Variants in SRP14 observed in about 807,000 individuals in gnomAD.
SRP14 encodes the protein signal recognition particle 14.
A neutral mutation model predicts 16.0 loss-of-function variants in SRP14; 1 was observed. That is an observed-to-expected ratio of 0.06 (90% CI 0.02 to 0.30). The LOEUF is 0.30. Ranked by LOEUF, SRP14 falls within the 10% of genes least tolerant of loss-of-function variation. SRP14 has a pLI of 1.00. For missense variants in SRP14, 120 were observed against 163.1 expected (o/e 0.74, Z 1.44); for synonymous variants, 67 against 60.1 (o/e 1.12, Z -0.53).
At chr15:40,037,382 TATTA>T in intron 3 of SRP14, 2 of 1,251,852 alleles carry the variant, frequency 1.6e-6, no homozygotes, top group Non-Finnish European at 2.0e-6. Flanking sequence ...GACTTCTCAG[TATTA>T]ATTTTTTATA....
intron 2 of SRP14, 51 bp downstream of exon 2, chr15:40,038,825 C>A: frequency 6.3e-7 from 1 of 1,594,632 alleles, no homozygotes; most frequent in South Asian, 1.1e-5. Flanking sequence ...CGGTGGCTCC[C>A]AGACACCGGG....
chr15:40,036,435 A>G lies in SRP14; in HGVS notation c.309T>C (p.Thr103=), dbSNP rs373217608. ...CTGCTGCTGCTGCTTTGGTCTTCTT[A>G]GTTTTGTTCTTTTTGTCTCTCTTCT... ...GLKKRDKKNK[T]KKTKAAAAAA... The change falls in exon 5 of 5, where the codon ACT becomes ACC. Residue 103 remains threonine, a synonymous_variant. Coordinates refer to ENST00000267884, the MANE Select transcript of SRP14 (RefSeq NM_003134.6). 2.5e-6 allele frequency: 4 copies of G among 1,613,848 alleles called. No individual in the cohort carries two copies. The African/African-American group carries it at 4.0e-5, about 16-fold the overall frequency.
At chr15:40,037,413 A>G (rs2035644982) in intron 3 of SRP14, 1 of 1,093,688 alleles carries the variant, frequency 9.1e-7, no homozygotes, top group South Asian at 1.6e-5. Flanking sequence ...TAGAAGATAT[A>G]TTTAAACTAC....
intron 3 of SRP14, chr15:40,037,353 G>A (rs771122103): frequency 4.4e-5 from 57 of 1,297,428 alleles, no homozygotes; most frequent in Non-Finnish European, 4.9e-5. Context: ...TTCTCCCTGG[G>A]TTCTGAGAAA....
chr15:40,037,296 CTTTG>C (rs1026859515), intron 3 of SRP14: 2 of 549,050 alleles, frequency 3.6e-6, no homozygotes, highest in African/African-American at 9.6e-5. Flanking sequence ...AAAAAAAAAG[CTTTG>C]TTTCTCACCT....
At chr15:40,037,040 G>T (rs756649885) in intron 3 of SRP14, 22 bp from the exon 4 acceptor site, 1 of 1,612,728 alleles carries the variant, frequency 6.2e-7, no homozygotes, top group Non-Finnish European at 8.5e-7. Context: ...GGAAAAAAGA[G>T]GTCATACCTA....
chr15:40,036,289 A>C lies in SRP14; in HGVS notation c.*44T>G. On this transcript the variant is annotated 3_prime_UTR_variant, in exon 5 of 5. Transcript: ENST00000267884. ...AGCTATCTGGCCAAAAGGAAAAAATAGCAATTCAGTGGTTAATTGGTGAAA... is the reference window on the plus strand; with the variant it reads ...AGCTATCTGGCCAAAAGGAAAAAATCGCAATTCAGTGGTTAATTGGTGAAA... 6.2e-7 allele frequency: 1 copy of C among 1,605,214 alleles called. No homozygotes were observed. Among genetic ancestry groups the C allele is most frequent in the Non-Finnish European group, 8.5e-7 (1 of 1,172,716 alleles).
rs1289029516 is a variant in SRP14 at position 40,036,398 on chromosome 15, C to G, written c.346G>C (p.Ala116Pro). Residue 116 changes from alanine to proline, a missense_variant, in exon 5 of 5, where the codon GCA becomes CCA. Transcript: ENST00000267884. ...GGTGCTGTTGCTGCTGCGGCAGGTG[C>G]TGCTGCTGCTGCTGCTGCTGCTGCT... Reference protein sequence around the residue: ...TKAAAAAAAAAPAAAATAPTT... With the variant: ...TKAAAAAAAAPPAAAATAPTT... 1 of 1,135,236 alleles carries G rather than the reference C, an allele frequency of 8.8e-7. No homozygotes were observed. Among genetic ancestry groups the G allele is most frequent in the African/African-American group, 1.6e-5 (1 of 63,114 alleles). The allele number at this position is 1,135,236 out of a possible 1,614,324, so 70.3% of individuals were successfully genotyped here. A position where few individuals can be genotyped will look rare whatever the true frequency, so the allele number is the denominator to read the frequency against.
At chr15:40,036,724 A>G in intron 4 of SRP14, 1 of 648,484 alleles carries the variant, frequency 1.5e-6, no homozygotes, top group South Asian at 2.0e-5. Flanking sequence ...TTTTTTTCCA[A>G]GGGAAAATTG....
chr15:40,038,773 G>A, intron 2 of SRP14, 103 bp downstream of exon 2: 1 of 1,260,232 alleles, frequency 7.9e-7, no homozygotes, highest in Non-Finnish European at 1.1e-6. Context: ...GTACAGGGTG[G>A]GGAAAGGTAG....
Position 40,036,044 on chromosome 15 carries a change from TAAAC to T in SRP14, c.*285_*288del. ...GAAAGGAATAAAGAGACAGTGCTGA[TAAAC>T]AGACATGTTTAATGATAGCTTGCTC... On this transcript the variant is annotated 3_prime_UTR_variant, in exon 5 of 5. Transcript: ENST00000267884. 2.2e-6 allele frequency: 1 copy of T among 450,276 alleles called. No homozygotes were observed. Among genetic ancestry groups the T allele is most frequent in the Non-Finnish European group, 3.9e-6 (1 of 256,728 alleles). 27.9% of individuals were successfully genotyped at this position (450,276 alleles called of 1,614,324 possible). A position where few individuals can be genotyped will look rare whatever the true frequency, so the allele number is the denominator to read the frequency against.
At chr15:40,036,871 C>A in intron 4 of SRP14, 115 bp downstream of exon 4, 1 of 1,202,610 alleles carries the variant, frequency 8.3e-7, no homozygotes, top group Admixed American at 1.8e-5. Flanking sequence ...TTGAAACATA[C>A]TGGTAAAACT....
Position 40,036,407 on chromosome 15 carries a change from C to CAGG in SRP14, c.336_337insCCT (p.Ala112_Ala113insPro). 6.2e-7 allele frequency: 1 copy of CAGG among 1,613,288 alleles called. No individual in the cohort carries two copies. On this transcript the variant is annotated inframe_insertion, in exon 5 of 5. Transcript: ENST00000267884. The stretch of plus-strand genomic sequence containing the variant: ...GCTGCTGCGGCAGGTGCTGCTGCTG[C>CAGG]TGCTGCTGCTGCTGCTTTGGTCTTC...
At chr15:40,038,123 TGAG>T (rs1298081076) in intron 3 of SRP14, among the ~76,000 whole-genome samples, 156 bp downstream of exon 3, 1 of 152,210 alleles carries the variant, frequency 6.6e-6, no homozygotes, top group Non-Finnish European at 1.5e-5. Context: ...ATTTTATTCT[TGAG>T]GTTTCCACTA....
intron 2 of SRP14, chr15:40,038,662 G>C (rs978939496): frequency 2.9e-5 from 18 of 618,740 alleles, no homozygotes; most frequent in Admixed American, 8.8e-5. Flanking sequence ...GGGCTGCTTG[G>C]GGCCCATTGT....
intron 3 of SRP14, among the ~76,000 whole-genome samples, chr15:40,037,758 A>G (rs2035653005): frequency 6.6e-6 from 1 of 152,200 alleles, no homozygotes; most frequent in Non-Finnish European, 1.5e-5. Flanking sequence ...TCCTACACTA[A>G]TGTGATTTCT....
At position 40,036,174 on chromosome 15, in the gene SRP14, C is replaced by G. The variant is rs559410717; in HGVS notation, c.*159G>C. On this transcript the variant is annotated 3_prime_UTR_variant, in exon 5 of 5. Coordinates refer to ENST00000267884, the MANE Select transcript of SRP14 (RefSeq NM_003134.6). ...AAATGCAAAATAAACTAGATTCTTA[C>G]CACAACTATCCTATAAACACTGCAA... The G allele has an allele frequency of 2.3e-6, 3 of 1,312,586 alleles. No individual in the cohort carries two copies. The highest frequency in any genetic ancestry group is 2.3e-5 in the East Asian group (1 of 43,080). The allele number at this position is 1,312,586 out of a possible 1,614,324, so 81.3% of individuals were successfully genotyped here. A position where few individuals can be genotyped will look rare whatever the true frequency, so the allele number is the denominator to read the frequency against.
At chr15:40,037,427 C>G in intron 3 of SRP14, 1 of 1,007,580 alleles carries the variant, frequency 9.9e-7, no homozygotes, top group Non-Finnish European at 1.3e-6. Flanking sequence ...AAACTACTCC[C>G]TCCCCATCTT....
chr15:40,037,671 T>G (rs774383490), intron 3 of SRP14, among the ~76,000 whole-genome samples: 27,392 of 71,438 alleles, frequency 0.38, 3,578 homozygotes, highest in Middle Eastern at 0.48. Flanking sequence ...CACATAAGCT[T>G]GTTTTACTGT....
Sources: allele counts gnomAD v4.1 joint callset (sites outside exome capture counted in the v4.1 genomes callset), GRCh38; gene constraint gnomAD v4.1.1; transcripts MANE v1.5; gene names NCBI Gene and HGNC (gene_info 2026-07-23, HGNC 2026-07-21).